Variants in TLN2 observed in about 807,000 individuals in gnomAD.
TLN2 encodes the protein talin 2, also known as talin-2.
A neutral mutation model predicts 294.7 loss-of-function variants in TLN2; 118 were observed. That is an observed-to-expected ratio of 0.40 (90% CI 0.34 to 0.47). TLN2 has a LOEUF of 0.47. TLN2 is among the 20% of genes least tolerant of loss of function. TLN2 has a pLI of 0.84. For synonymous variants in TLN2, 1,431 were observed against 1,304.5 expected (o/e 1.10, Z -2.09); for missense variants, 3,083 against 3,282.2 (o/e 0.94, Z 1.48).
intron 1 of TLN2, among the ~76,000 whole-genome samples, chr15:62,534,348 T>C (rs1005165773): frequency 4.6e-4 from 70 of 152,350 alleles, no homozygotes; most frequent in African/African-American, 1.7e-3. Context: ...AGCTGCTGAC[T>C]GACAGGCTAT....
chr15:62,737,642 C>T (rs1334362565), intron 29 of TLN2, among the ~76,000 whole-genome samples: 1 of 152,180 alleles, frequency 6.6e-6, no homozygotes, highest in African/African-American at 2.4e-5. Flanking sequence ...CCAAAGAATG[C>T]AAACAGGGAG....
chr15:62,835,821 C>T (rs200385605), intron 56 of TLN2, 22 bp downstream of exon 56: 4 of 1,614,184 alleles, frequency 2.5e-6, no homozygotes, highest in Middle Eastern at 1.7e-4. Flanking sequence ...TCTCCTTCCT[C>T]CCAGTTTGCT....
Position 62,674,592 on chromosome 15 carries a change from G to T in TLN2, c.853-625G>T, listed in dbSNP as rs11852602. Among the ~76,000 whole-genome samples, 89 of 139,656 alleles carry T rather than the reference G, an allele frequency of 6.4e-4. 1 individual carries two copies. The South Asian group carries it at 0.012, about 19-fold the overall frequency. The allele number at this position is 139,656 out of a possible 152,430, so 91.6% of individuals were successfully genotyped here. ...CACTGCAACCTCCGTACCTCCCCCC[G>T]CCCTGTTCAAGTGATTCTTGTGCCT... On this transcript the variant is annotated intron_variant, in intron 10 of 58. Coordinates refer to ENST00000636159, the MANE Select transcript of TLN2 (RefSeq NM_015059.3).
At chr15:62,674,625 C>T (rs1194768856) in intron 10 of TLN2, among the ~76,000 whole-genome samples, 5 of 151,632 alleles carry the variant, frequency 3.3e-5, no homozygotes, top group African/African-American at 7.3e-5. Context: ...CCTCAGCCTA[C>T]CAAGTAGCTG....
In TLN2 at chr15:62,391,224, A is replaced by T. The variant is rs962451964; in HGVS notation, c.-238+539A>T. On this transcript the variant is annotated intron_variant, in intron 1 of 58. Coordinates refer to ENST00000636159, the MANE Select transcript of TLN2 (RefSeq NM_015059.3). ...TCCCGCCGAGGCTCTGGGCTAAGAC[A>T]GCCCGCCAGTGCGGAGTTCCTTCTC... Among the ~76,000 whole-genome samples, 38 of 152,368 alleles carry T rather than the reference A, an allele frequency of 2.5e-4. No individual in the cohort carries two copies. The Middle Eastern group carries it at 0.01, about 41-fold the overall frequency.
intron 1 of TLN2, among the ~76,000 whole-genome samples, chr15:62,574,754 G>T (rs1567125003): frequency 6.6e-6 from 1 of 151,960 alleles, no homozygotes; most frequent in Non-Finnish European, 1.5e-5. Flanking sequence ...CATCAACACT[G>T]TATTATATGT....
chr15:62,608,189 G>A (rs770660921), intron 2 of TLN2, among the ~76,000 whole-genome samples: 7 of 152,116 alleles, frequency 4.6e-5, no homozygotes, highest in Non-Finnish European at 7.3e-5. Flanking sequence ...CAGGCAGTCT[G>A]CTGGATGTTG....
In TLN2 at chr15:62,645,625, A is replaced by G. The variant is rs1009900913; in HGVS notation, c.-36-1650A>G. ...GCTGAGAAGCTGAGACCCTGGAGGC[A>G]CTCGCTGCACTGCCTGGGCCTGGGC... On this transcript the variant is annotated intron_variant, in intron 3 of 58. Coordinates refer to ENST00000636159, the MANE Select transcript of TLN2 (RefSeq NM_015059.3). Among the ~76,000 whole-genome samples, 5 of 152,150 alleles carry G rather than the reference A, an allele frequency of 3.3e-5. No homozygotes were observed. In the South Asian group the frequency reaches 1.0e-3, roughly 32 times the overall value.
At chr15:62,410,213 C>T (rs2033688733) in intron 1 of TLN2, among the ~76,000 whole-genome samples, 1 of 151,650 alleles carries the variant, frequency 6.6e-6, no homozygotes, top group South Asian at 2.1e-4. Flanking sequence ...TTGCACTCCA[C>T]CTTGGGTGAC....
Position 62,603,418 on chromosome 15 carries a change from C to A in TLN2, c.-162+13656C>A, listed in dbSNP as rs185655881. Among the ~76,000 whole-genome samples, 1,037 of 151,790 alleles carry A rather than the reference C, an allele frequency of 6.8e-3. 14 individuals are homozygous for A. The highest frequency in any genetic ancestry group is 0.024 in the African/African-American group (991 of 41,274). ...TTTTTTCATTTAATTTCCCCTAATT[C>A]TTCTTCTGTAGTGGCATAGAGAGAG... On this transcript the variant is annotated intron_variant, in intron 2 of 58. Coordinates refer to ENST00000636159, the MANE Select transcript of TLN2 (RefSeq NM_015059.3).
intron 9 of TLN2, among the ~76,000 whole-genome samples, chr15:62,660,387 C>T (rs2053680896): frequency 6.6e-6 from 1 of 152,126 alleles, no homozygotes; most frequent in South Asian, 2.1e-4. Flanking sequence ...ATATATCCAT[C>T]TACTTTATTG....
At position 62,573,420 on chromosome 15, in the gene TLN2, G is replaced by A. The variant is rs1364034589; in HGVS notation, c.-237-16267G>A. On this transcript the variant is annotated intron_variant, in intron 1 of 58. Coordinates refer to ENST00000636159, the MANE Select transcript of TLN2 (RefSeq NM_015059.3). The stretch of plus-strand genomic sequence containing the variant: ...GCTCACATGAGGACCCACTACCTTG[G>A]CTCGGCCCTCTTCCTGCATTCATCC... Among the ~76,000 whole-genome samples the A allele has an allele frequency of 3.9e-5, 6 of 152,084 alleles. 1 individual carries two copies. The highest frequency in any genetic ancestry group is 2.6e-4 in the Admixed American group (4 of 15,266).
At chr15:62,519,599 G>A (rs905518547) in intron 1 of TLN2, among the ~76,000 whole-genome samples, 2 of 152,190 alleles carry the variant, frequency 1.3e-5, no homozygotes, top group African/African-American at 4.8e-5. Context: ...TACAGGGTAT[G>A]CCAGCTGCTA....
At chr15:62,815,208 CACACACACA>C (rs2067014866) in intron 52 of TLN2, among the ~76,000 whole-genome samples, 1 of 151,408 alleles carries the variant, frequency 6.6e-6, no homozygotes, top group African/African-American at 2.4e-5. Flanking sequence ...CACACACACA[CACACACACA>C]CACACACACA....
chr15:62,551,573 C>T (rs1312832520), intron 1 of TLN2, among the ~76,000 whole-genome samples: 1 of 151,670 alleles, frequency 6.6e-6, no homozygotes, highest in Non-Finnish European at 1.5e-5. Flanking sequence ...GTGGCAGGCA[C>T]CTGTAATCCC....
chr15:62,630,657 G>A (rs1015662105), intron 3 of TLN2, among the ~76,000 whole-genome samples: 4 of 151,702 alleles, frequency 2.6e-5, no homozygotes, highest in African/African-American at 9.7e-5. Flanking sequence ...TTTTTGGTCT[G>A]CGTTTATTTG....
chr15:62,830,164 C>T (rs1031205559), intron 54 of TLN2: 2 of 152,048 alleles, frequency 1.3e-5, no homozygotes, highest in Non-Finnish European at 2.9e-5. Context: ...AATGAAACAC[C>T]CAGAAGCGAG....
chr15:62,393,041 GC>G (rs2032232934), intron 1 of TLN2, among the ~76,000 whole-genome samples: 1 of 151,916 alleles, frequency 6.6e-6, no homozygotes, highest in Admixed American at 6.6e-5. Context: ...AACACCCAGA[GC>G]CCAAGATATA....
chr15:62,675,441 T>C, intron 11 of TLN2, 120 bp downstream of exon 11: 2 of 986,730 alleles, frequency 2.0e-6, no homozygotes, highest in South Asian at 1.6e-5. Flanking sequence ...GGGTGGAACA[T>C]CTGGCTAGTG....
Sources: allele counts gnomAD v4.1 joint callset (sites outside exome capture counted in the v4.1 genomes callset), GRCh38; gene constraint gnomAD v4.1.1; transcripts MANE v1.5; gene names NCBI Gene and HGNC (gene_info 2026-07-23, HGNC 2026-07-21).